NCOA3: variants seen among roughly 807,000 people sequenced by gnomAD.
NCOA3 encodes the protein CBP-interacting protein.
NCOA3 carries 51 observed loss-of-function variants against 158.8 expected under a neutral mutation model. The ratio of observed to expected loss-of-function variants is 0.32; its 90% CI spans 0.26 to 0.41. The LOEUF (loss-of-function observed/expected upper bound fraction) is 0.41, where lower values mean the gene tolerates loss of function less well. NCOA3 is among the 10% of genes least tolerant of loss of function. The pLI is 1.00. For missense variants in NCOA3, 1,510 were observed against 1,746.6 expected (o/e 0.86, Z 2.41); for synonymous variants, 537 against 592.4 (o/e 0.91, Z 1.36).
At chr20:47,505,463 G>A (rs1175050513) in intron 1 of NCOA3, among the ~76,000 whole-genome samples, 1 of 152,082 alleles carries the variant, frequency 6.6e-6, no homozygotes, top group Non-Finnish European at 1.5e-5. Flanking sequence ...TTAGCCGCCA[G>A]TGACTTTTGG....
At chr20:47,545,173 GATT>G (rs2084808092) in intron 1 of NCOA3, among the ~76,000 whole-genome samples, 1 of 108,742 alleles carries the variant, frequency 9.2e-6, no homozygotes, top group African/African-American at 3.7e-5. Flanking sequence ...ATATCCATAG[GATT>G]TTTTTTTTTT....
intron 1 of NCOA3, among the ~76,000 whole-genome samples, chr20:47,531,337 T>A (rs1296121796): frequency 3.4e-5 from 4 of 117,712 alleles, no homozygotes; most frequent in South Asian, 3.5e-4. Context: ...AGCGAGACTA[T>A]CTCAAACAAA....
At chr20:47,611,086 A>T (rs1019501954) in intron 2 of NCOA3, among the ~76,000 whole-genome samples, 1 of 152,124 alleles carries the variant, frequency 6.6e-6, no homozygotes, top group Non-Finnish European at 1.5e-5. Flanking sequence ...CAGGTGGCTA[A>T]TGTTGTCATC....
intron 1 of NCOA3, among the ~76,000 whole-genome samples, chr20:47,504,834 A>G (rs1015420220): frequency 2.0e-5 from 3 of 151,702 alleles, no homozygotes; most frequent in Non-Finnish European, 4.4e-5. Context: ...CTTGTGCATT[A>G]GCAGTATGAT....
Position 47,592,684 on chromosome 20 carries a change from A to G in NCOA3, c.-20+9423A>G, listed in dbSNP as rs76067489. Reference sequence around the variant, plus strand: ...ATAATGCCATGATCTTTATCTTCTAATAAGTTGCTGTCAGTTAAAATGTTC... The same window carrying G: ...ATAATGCCATGATCTTTATCTTCTAGTAAGTTGCTGTCAGTTAAAATGTTC... On this transcript the variant is annotated intron_variant, in intron 2 of 22. Coordinates refer to ENST00000371998, the MANE Select transcript of NCOA3 (RefSeq NM_181659.3). 2.0e-5 allele frequency among the ~76,000 whole-genome samples: 3 copies of G among 152,340 alleles called. No individual in the cohort carries two copies. In the East Asian group the frequency reaches 5.8e-4, roughly 29 times the overall value.
chr20:47,572,509 A>G (rs1012100256), intron 1 of NCOA3, among the ~76,000 whole-genome samples: 2 of 150,920 alleles, frequency 1.3e-5, no homozygotes, highest in South Asian at 2.1e-4. Flanking sequence ...TGCCTTCCTC[A>G]CTAAGCTTAA....
intron 8 of NCOA3, 93 bp from the exon 9 acceptor site, chr20:47,633,403 T>C: frequency 1.6e-6 from 2 of 1,215,730 alleles, no homozygotes; most frequent in South Asian, 3.1e-5. Context: ...TTAATATCTT[T>C]TATTTTATTC....
intron 13 of NCOA3, 143 bp downstream of exon 13, chr20:47,637,926 TTATA>T: frequency 1.4e-6 from 1 of 740,240 alleles, no homozygotes; most frequent in Non-Finnish European, 2.0e-6. Flanking sequence ...CTATACTAAT[TTATA>T]TGTGCTTTAG....
At chr20:47,502,465 G>A (rs1010129808) in intron 1 of NCOA3, among the ~76,000 whole-genome samples, 4 of 152,162 alleles carry the variant, frequency 2.6e-5, no homozygotes, top group African/African-American at 9.7e-5. Flanking sequence ...AAAGCCGCGG[G>A]GACCCCCCCC....
At chr20:47,614,086 T>G (rs1275150744) in intron 2 of NCOA3, among the ~76,000 whole-genome samples, 1 of 152,158 alleles carries the variant, frequency 6.6e-6, no homozygotes, top group African/African-American at 2.4e-5. Flanking sequence ...AGCTCTTCCC[T>G]GCCTTCCCCT....
chr20:47,648,563 C>G (rs1424499532), intron 18 of NCOA3, among the ~76,000 whole-genome samples: 3 of 152,076 alleles, frequency 2.0e-5, no homozygotes, highest in Non-Finnish European at 4.4e-5. Context: ...GCCTCGACCT[C>G]CCAGGCTCAG....
At chr20:47,522,702 A>C (rs1179834119) in intron 1 of NCOA3, among the ~76,000 whole-genome samples, 3 of 151,564 alleles carry the variant, frequency 2.0e-5, no homozygotes, top group African/African-American at 4.8e-5. Context: ...GGGCGCTATG[A>C]TGTTCTACAC....
chr20:47,570,077 T>C (rs985859854), intron 1 of NCOA3, among the ~76,000 whole-genome samples: 22 of 152,204 alleles, frequency 1.4e-4, no homozygotes, highest in African/African-American at 5.3e-4. Context: ...ATTCTAAGTC[T>C]TTTTTTATGA....
intron 16 of NCOA3, among the ~76,000 whole-genome samples, chr20:47,641,591 C>T (rs1466446595): frequency 6.7e-6 from 1 of 148,326 alleles, no homozygotes; most frequent in South Asian, 2.1e-4. Context: ...AGCTCCGCCT[C>T]CTGGGTTCAT....
At chr20:47,593,891 G>A (rs7267404) in intron 2 of NCOA3, among the ~76,000 whole-genome samples, 16,940 of 151,978 alleles carry the variant, frequency 0.11, 1,188 homozygotes, top group Middle Eastern at 0.18. Flanking sequence ...TGTAGTAACC[G>A]TATATTTATA....
intron 2 of NCOA3, among the ~76,000 whole-genome samples, chr20:47,613,696 A>C (rs1288504838): frequency 2.0e-5 from 3 of 151,920 alleles, no homozygotes; most frequent in African/African-American, 7.3e-5. Context: ...GTGGATCATG[A>C]GGTCAGGAGT....
At chr20:47,530,005 T>C (rs535189669) in intron 1 of NCOA3, among the ~76,000 whole-genome samples, 17 of 152,382 alleles carry the variant, frequency 1.1e-4, no homozygotes, top group Non-Finnish European at 1.8e-4. Context: ...GGCACGCTTA[T>C]ACTGCTGGAT....
At chr20:47,525,968 G>T (rs1449031930) in intron 1 of NCOA3, among the ~76,000 whole-genome samples, 23 of 142,722 alleles carry the variant, frequency 1.6e-4, no homozygotes, top group Non-Finnish European at 3.1e-4. Flanking sequence ...CCCGGACAAG[G>T]TGGCTGCTGG....
intron 2 of NCOA3, among the ~76,000 whole-genome samples, chr20:47,589,495 C>A (rs2085590939): frequency 6.6e-6 from 1 of 152,098 alleles, no homozygotes; most frequent in Non-Finnish European, 1.5e-5. Context: ...CCTGCCCCAG[C>A]CTCCTGAGTA....
Sources: allele counts gnomAD v4.1 joint callset (sites outside exome capture counted in the v4.1 genomes callset), GRCh38; gene constraint gnomAD v4.1.1; transcripts MANE v1.5; gene names NCBI Gene and HGNC (gene_info 2026-07-23, HGNC 2026-07-21).